Variants in TMEM178B observed in about 807,000 individuals in gnomAD.
TMEM178B encodes the protein transmembrane protein 178B.
TMEM178B carries 5 observed loss-of-function variants against 31.0 expected under a neutral mutation model. The observed-to-expected ratio is 0.16, with a 90% confidence interval of 0.08 to 0.34. The LOEUF is 0.34. Ranked by LOEUF, TMEM178B falls within the 10% of genes least tolerant of loss-of-function variation. The probability of loss-of-function intolerance (pLI) is 1.00; values close to 1 mark genes in which losing one functional copy is unlikely to be tolerated. For synonymous variants in TMEM178B, 164 were observed against 164.0 expected (o/e 1.00, Z 0.00); for missense variants, 275 against 400.3 (o/e 0.69, Z 2.67).
downstream of TMEM178B, among the ~76,000 whole-genome samples, chr7:141,481,882 C>T (rs1802482144): frequency 6.6e-6 from 1 of 152,076 alleles, no homozygotes; most frequent in South Asian, 2.1e-4. Flanking sequence ...GTGTCTGCCC[C>T]AGCCCGGGCA....
intron 1 of TMEM178B, among the ~76,000 whole-genome samples, chr7:141,175,243 G>A (rs1026954380): frequency 4.6e-5 from 7 of 152,000 alleles, no homozygotes; most frequent in Admixed American, 3.3e-4. Flanking sequence ...GCTTGTTTTT[G>A]TCAGGTTTGT....
intron 1 of TMEM178B, among the ~76,000 whole-genome samples, chr7:141,138,836 T>C (rs544076051): frequency 1.3e-5 from 2 of 151,628 alleles, no homozygotes; most frequent in East Asian, 3.9e-4. Context: ...TACAAAAAAT[T>C]AGCCGGGTGT....
At chr7:141,093,544 TG>T (rs1230254838) in intron 1 of TMEM178B, among the ~76,000 whole-genome samples, 1 of 152,186 alleles carries the variant, frequency 6.6e-6, no homozygotes, top group Non-Finnish European at 1.5e-5. Context: ...CATCAGCTCA[TG>T]GTACTGGAAG....
chr7:141,301,140 C>T (rs915519222), intron 2 of TMEM178B, among the ~76,000 whole-genome samples: 1 of 152,150 alleles, frequency 6.6e-6, no homozygotes, highest in African/African-American at 2.4e-5. Context: ...AAGAATGCTC[C>T]ACCACCCAGG....
intron 1 of TMEM178B, among the ~76,000 whole-genome samples, chr7:141,126,059 C>A (rs1320498067): frequency 6.6e-6 from 1 of 152,184 alleles, no homozygotes; most frequent in African/African-American, 2.4e-5. Context: ...GGGAGCAAGA[C>A]AGTTACCAAG....
At chr7:141,143,245 T>G (rs1016163872) in intron 1 of TMEM178B, among the ~76,000 whole-genome samples, 1 of 152,214 alleles carries the variant, frequency 6.6e-6, no homozygotes. Flanking sequence ...GAATATTTGT[T>G]TTTGTAGCAA....
At chr7:141,510,405 G>A in the TMEM178B span, among the ~76,000 whole-genome samples, 2 of 152,090 alleles carry the variant, frequency 1.3e-5, no homozygotes, top group Non-Finnish European at 2.9e-5. Flanking sequence ...GAGCTCAGGG[G>A]CCGGGCGCGG....
In TMEM178B at chr7:141,133,884, G is replaced by T. The variant is rs1420278397; in HGVS notation, c.382+59192G>T. Among the ~76,000 whole-genome samples, 4 of 152,160 alleles carry T rather than the reference G, an allele frequency of 2.6e-5. No individual in the cohort carries two copies. In the East Asian group the frequency reaches 7.7e-4, roughly 29 times the overall value. ...CAGAGTTCCCATCAGACTAACAAAA[G>T]ATTTCTCAACAGAAACCTTAGAGGC... On this transcript the variant is annotated intron_variant, in intron 1 of 3. Transcript: ENST00000565468.
intron 2 of TMEM178B, among the ~76,000 whole-genome samples, chr7:141,349,696 C>T (rs1221946344): frequency 6.6e-6 from 1 of 152,158 alleles, no homozygotes; most frequent in Non-Finnish European, 1.5e-5. Flanking sequence ...ACAGGAGTGC[C>T]AGTGGTTGGA....
chr7:141,210,107 T>C (rs1797030563), intron 1 of TMEM178B, among the ~76,000 whole-genome samples: 1 of 152,168 alleles, frequency 6.6e-6, no homozygotes, highest in Admixed American at 6.5e-5. Context: ...GTTTTAATCT[T>C]GGCACTGCTA....
chr7:141,510,483 C>T, the TMEM178B span, among the ~76,000 whole-genome samples: 22 of 151,600 alleles, frequency 1.5e-4, no homozygotes, highest in Admixed American at 1.2e-3. Flanking sequence ...GTCGGGAGTT[C>T]AAGACCAGCC....
chr7:141,085,990 A>G (rs972581202), intron 1 of TMEM178B, among the ~76,000 whole-genome samples: 2 of 152,164 alleles, frequency 1.3e-5, no homozygotes, highest in South Asian at 4.1e-4. Flanking sequence ...TGGTATATTC[A>G]TACAATAGAA....
chr7:141,155,140 C>T (rs910142522), intron 1 of TMEM178B, among the ~76,000 whole-genome samples: 1 of 152,114 alleles, frequency 6.6e-6, no homozygotes, highest in Non-Finnish European at 1.5e-5. Context: ...CAGTGTTAGG[C>T]GGGTCCAGGG....
chr7:141,124,238 G>A (rs969982979), intron 1 of TMEM178B, among the ~76,000 whole-genome samples: 3 of 152,112 alleles, frequency 2.0e-5, no homozygotes, highest in African/African-American at 7.2e-5. Flanking sequence ...GTGGTGGTGT[G>A]GGCCTGCAAT....
At chr7:141,189,695 C>T (rs1796667039) in intron 1 of TMEM178B, among the ~76,000 whole-genome samples, 1 of 152,214 alleles carries the variant, frequency 6.6e-6, no homozygotes, top group Non-Finnish European at 1.5e-5. Context: ...CTGGCTCCCA[C>T]ATCAGCATGA....
At chr7:141,421,298 A>G (rs1456823536) in intron 2 of TMEM178B, among the ~76,000 whole-genome samples, 1 of 152,190 alleles carries the variant, frequency 6.6e-6, no homozygotes. Flanking sequence ...CTACTCTCAC[A>G]TTTCCACTTT....
chr7:141,085,152 T>C (rs1051959292), intron 1 of TMEM178B, among the ~76,000 whole-genome samples: 6 of 9,752 alleles, frequency 6.2e-4, no homozygotes, highest in Non-Finnish European at 1.5e-3. Context: ...TAATTTGTAT[T>C]TTTTTTTTTT....
At chr7:141,240,459 G>T (rs1797599878) in intron 2 of TMEM178B, among the ~76,000 whole-genome samples, 1 of 152,166 alleles carries the variant, frequency 6.6e-6, no homozygotes, top group African/African-American at 2.4e-5. Flanking sequence ...AGCTTAGGCT[G>T]CAAAAGTAGA....
chr7:141,159,314 C>T (rs576396456), intron 1 of TMEM178B, among the ~76,000 whole-genome samples: 11 of 152,156 alleles, frequency 7.2e-5, no homozygotes, highest in Non-Finnish European at 1.6e-4. Context: ...TGTTACTCAC[C>T]TGCTCAAAAC....
Sources: allele counts gnomAD v4.1 joint callset (sites outside exome capture counted in the v4.1 genomes callset), GRCh38; gene constraint gnomAD v4.1.1; transcripts MANE v1.5; gene names NCBI Gene and HGNC (gene_info 2026-07-23, HGNC 2026-07-21).